Variants in ARSL observed in about 807,000 individuals in gnomAD.
The protein encoded by ARSL is arylsulfatase L, also known as arylsulfatase E (chondrodysplasia punctata 1).
ARSL carries 4 observed loss-of-function variants against 31.1 expected under a neutral mutation model. The observed-to-expected ratio is 0.13, with a 90% CI of 0.06 to 0.29. ARSL has a LOEUF of 0.29. Among genes scored for constraint, ARSL ranks in the 10% least tolerant of loss-of-function variants. The pLI is 1.00. For synonymous variants in ARSL, 198 were observed against 209.9 expected (o/e 0.94, Z 0.49); for missense variants, 312 against 497.8 (o/e 0.63, Z 3.55).
intron 8 of ARSL, among the ~76,000 whole-genome samples, chrX:2,941,197 C>A (rs771735623): frequency 1.8e-5 from 2 of 109,116 alleles, no homozygotes; most frequent in African/African-American, 6.7e-5. Context: ...GTCTCTGAAG[C>A]CTAGTACCTG....
chrX:2,967,625 T>C (rs1279947292), upstream of ARSL, among the ~76,000 whole-genome samples: 1 of 111,790 alleles, frequency 8.9e-6, no homozygotes, highest in African/African-American at 3.2e-5. Context: ...TACAGTAAAA[T>C]ATAATACAAT....
chrX:2,940,461 A>G (rs1048536743), intron 8 of ARSL, among the ~76,000 whole-genome samples: 10 of 111,613 alleles, frequency 9.0e-5, no homozygotes, highest in Non-Finnish European at 1.3e-4. Flanking sequence ...TGAGTTCAGG[A>G]GTTTCAGACC....
chrX:2,944,407 C>T (rs1300161650), intron 7 of ARSL, among the ~76,000 whole-genome samples: 28 of 103,601 alleles, frequency 2.7e-4, no homozygotes, highest in East Asian at 1.5e-3. Context: ...TGAGCTGAGA[C>T]CGTGCCATTG....
At chrX:2,942,976 T>C in intron 8 of ARSL, 89 bp downstream of exon 8, 24 of 1,133,569 alleles carry the variant, frequency 2.1e-5, no homozygotes, top group Non-Finnish European at 2.8e-5. Context: ...AGCAATAATA[T>C]TGACCCTCCT....
At chrX:2,938,394 C>CTG in intron 8 of ARSL, 137 bp from the exon 9 acceptor site, 1 of 921,388 alleles carries the variant, frequency 1.1e-6, no homozygotes. Flanking sequence ...CTCTCTCTCT[C>CTG]TCTCTGTTTT....
intron 5 of ARSL, among the ~76,000 whole-genome samples, chrX:2,952,365 C>T (rs1214690081): frequency 1.8e-5 from 2 of 111,261 alleles, no homozygotes; most frequent in Non-Finnish European, 3.8e-5. Context: ...CAGGGTTTCG[C>T]CATGCTGCCC....
At chrX:2,959,817 A>G (rs1018849019) in intron 2 of ARSL, 2 of 869,669 alleles carry the variant, frequency 2.3e-6, no homozygotes, top group South Asian at 3.3e-5. Flanking sequence ...GCACGTTGGG[A>G]GGCCAAGGTG....
upstream of ARSL, among the ~76,000 whole-genome samples, chrX:2,965,414 T>C (rs1389609453): frequency 9.2e-6 from 1 of 108,917 alleles, no homozygotes; most frequent in Non-Finnish European, 1.9e-5. Context: ...GGCAAGAAAA[T>C]TGCTTGAACC....
intron 7 of ARSL, among the ~76,000 whole-genome samples, chrX:2,945,261 G>A (rs1474542706): frequency 9.0e-6 from 1 of 111,288 alleles, no homozygotes; most frequent in Non-Finnish European, 1.9e-5. Context: ...CACGTGGCCA[G>A]AATGCAGCAG....
intron 3 of ARSL, among the ~76,000 whole-genome samples, chrX:2,957,376 T>C (rs1461918786): frequency 1.8e-5 from 2 of 110,390 alleles, no homozygotes; most frequent in Non-Finnish European, 3.8e-5. Context: ...TTCTAAAGCA[T>C]TGTCCATTAT....
At chrX:2,940,833 C>T (rs1028440072) in intron 8 of ARSL, among the ~76,000 whole-genome samples, 3 of 111,201 alleles carry the variant, frequency 2.7e-5, no homozygotes, top group African/African-American at 9.8e-5. Context: ...TACTTATGAT[C>T]GCTGAGACAG....
At chrX:2,944,283 A>G (rs376594608) in intron 7 of ARSL, among the ~76,000 whole-genome samples, 146 of 108,932 alleles carry the variant, frequency 1.3e-3, no homozygotes, top group Middle Eastern at 9.3e-3. Flanking sequence ...GTGAAACCCC[A>G]TCTCTACTAA....
chrX:2,943,700 C>T (rs1055921791), intron 7 of ARSL, among the ~76,000 whole-genome samples: 16 of 95,376 alleles, frequency 1.7e-4, no homozygotes, highest in African/African-American at 6.0e-4. Context: ...TGAGATCACG[C>T]CACTGCGCTC....
At chrX:2,948,803 T>C (rs1334379427) in intron 6 of ARSL, among the ~76,000 whole-genome samples, 1 of 111,450 alleles carries the variant, frequency 9.0e-6, no homozygotes, top group African/African-American at 3.3e-5. Flanking sequence ...GCTGTAACAA[T>C]GTTTTAATGG....
chrX:2,956,105 C>T (rs945978943), intron 3 of ARSL, among the ~76,000 whole-genome samples: 5 of 111,787 alleles, frequency 4.5e-5, no homozygotes, highest in East Asian at 2.8e-4. Context: ...ACTGAGAGAC[C>T]GACCTCAGAG....
intron 6 of ARSL, among the ~76,000 whole-genome samples, chrX:2,946,532 T>G (rs1253476883): frequency 4.0e-5 from 3 of 75,788 alleles, no homozygotes; most frequent in East Asian, 3.8e-4. Flanking sequence ...TTTTTTTTTT[T>G]GTAGAGACAG....
intron 8 of ARSL, among the ~76,000 whole-genome samples, chrX:2,942,414 C>G (rs952350213): frequency 1.1e-4 from 12 of 111,703 alleles, no homozygotes; most frequent in African/African-American, 3.9e-4. Flanking sequence ...GCCTCAGCCT[C>G]CTGAGTAGCT....
chrX:2,936,657 T>C (rs911609531), intron 10 of ARSL, 85 bp downstream of exon 10: 1 of 1,139,555 alleles, frequency 8.8e-7, no homozygotes, highest in African/African-American at 1.8e-5. Context: ...TGCAGCTCCA[T>C]CCCTAGCCTG....
intron 7 of ARSL, among the ~76,000 whole-genome samples, chrX:2,944,325 G>T (rs1426764114): frequency 9.2e-6 from 1 of 108,651 alleles, no homozygotes; most frequent in Non-Finnish European, 1.9e-5. Flanking sequence ...ATGGTGGCGG[G>T]TGCCTGTAAA....
Sources: gnomAD v4.1 joint callset for allele counts (sites outside exome capture counted in the v4.1 genomes callset) on GRCh38, gnomAD v4.1.1 for gene constraint, MANE v1.5 for transcripts, NCBI Gene and HGNC (gene_info 2026-07-23, HGNC 2026-07-21) for gene names.